The following TIMM23 variants were observed in gnomAD, a reference collection of about 807,000 sequenced individuals.
TIMM23 encodes mitochondrial import inner membrane translocase subunit Tim23.
In TIMM23, 19 loss-of-function variants were observed where a neutral mutation model predicts 30.7. The observed-to-expected ratio is 0.62, with a 90% CI of 0.43 to 0.91. The LOEUF (loss-of-function observed/expected upper bound fraction) is 0.91, where lower values mean the gene tolerates loss of function less well. TIMM23 is among the 40% of genes least tolerant of loss of function. The pLI, the probability that TIMM23 is intolerant of heterozygous loss-of-function variation, is 0.00. For missense variants in TIMM23, 202 were observed against 269.2 expected (o/e 0.75, Z 1.75); for synonymous variants, 78 against 98.5 (o/e 0.79, Z 1.23).
chr10:45,988,778 C>T lies in TIMM23; in HGVS notation c.445C>T (p.Arg149Ter). 1 of 1,613,842 alleles carries T rather than the reference C, an allele frequency of 6.2e-7. No homozygotes were observed. Reference sequence around the variant, plus strand: ...ATTTGGTGTCATCATTGAGAAAACACGAGGTGCAGAAGATGACCTTAACAC... The same window carrying T: ...ATTTGGTGTCATCATTGAGAAAACATGAGGTGCAGAAGATGACCTTAACAC... ...SAFGVIIEKT[R>*]GAEDDLNTVA... is the part of the protein sequence containing the mutation. Residue 149 changes from arginine (R) to a stop codon, truncating the protein, a stop_gained, in exon 6 of 7, where the codon CGA becomes TGA. Transcript: ENST00000580018. LOFTEE classifies it high-confidence loss of function.
At chr10:45,986,311 G>T (rs61849535) in intron 5 of TIMM23, among the ~76,000 whole-genome samples, 6 of 152,102 alleles carry the variant, frequency 3.9e-5, no homozygotes, top group African/African-American at 1.4e-4. Context: ...GAGTCACCCC[G>T]CTCTGTTTCT....
At position 45,977,070 on chromosome 10, in the gene TIMM23, CAT is replaced by C. The variant is rs1335412738; in HGVS notation, c.165+1561_165+1562del. ...AGAAATAAATGGACCAGGTGCAAAACATATTCTGAAAACTATAAAACATTATT... is the reference window on the plus strand; with the variant it reads ...AGAAATAAATGGACCAGGTGCAAAACATTCTGAAAACTATAAAACATTATT... On this transcript the variant is annotated intron_variant, in intron 2 of 6. Coordinates refer to ENST00000580018, the MANE Select transcript of TIMM23 (RefSeq NM_006327.4). 5.0e-4 allele frequency among the ~76,000 whole-genome samples: 75 copies of C among 150,356 alleles called. No homozygotes were observed. The East Asian group carries it at 0.013, about 27-fold the overall frequency.
At chr10:45,990,056 G>A (rs1460425716) in intron 6 of TIMM23, among the ~76,000 whole-genome samples, 1 of 151,200 alleles carries the variant, frequency 6.6e-6, no homozygotes, top group Non-Finnish European at 1.5e-5. Context: ...AGATTTTAGT[G>A]ATGTGCAACA....
intron 5 of TIMM23, among the ~76,000 whole-genome samples, chr10:45,988,130 A>G (rs71184972): frequency 6.6e-6 from 1 of 152,154 alleles, no homozygotes; most frequent in Admixed American, 6.5e-5. Flanking sequence ...CTTGGGCCTC[A>G]TGTGGAAAAT....
chr10:45,985,129 C>CTTA (rs1305320635), intron 4 of TIMM23, among the ~76,000 whole-genome samples: 5 of 151,282 alleles, frequency 3.3e-5, no homozygotes, highest in African/African-American at 9.7e-5. Flanking sequence ...AAGAGTTTTC[C>CTTA]TTATTATTAT....
chr10:45,993,527 C>A (rs1458959685), intron 6 of TIMM23, among the ~76,000 whole-genome samples: 2 of 151,958 alleles, frequency 1.3e-5, no homozygotes, highest in African/African-American at 4.8e-5. Flanking sequence ...GAATTCCAGC[C>A]TGGGCGATAG....
Position 45,972,705 on chromosome 10 carries a change from G to T in TIMM23, c.81G>T (p.Ser27=). 6.2e-7 allele frequency: 1 copy of T among 1,614,010 alleles called. No individual in the cohort carries two copies. The highest frequency in any genetic ancestry group is 2.2e-5 in the East Asian group (1 of 44,886). The change falls in exon 1 of 7, where the codon TCG becomes TCT. Residue 27 remains serine (S), a synonymous_variant. Transcript: ENST00000580018. ...GFFGAGGAGY[S]HADLAGVPLT... ...TCGGAGCCGGCGGAGCAGGTTACTC[G>T]CACGCGGATTTGGCTGGCGTCCCGC...
chr10:46,001,188 A>G (rs1554917638), intron 6 of TIMM23, among the ~76,000 whole-genome samples: 1 of 152,156 alleles, frequency 6.6e-6, no homozygotes, highest in Non-Finnish European at 1.5e-5. Context: ...CTATTTTCCA[A>G]TTAGTACAAT....
chr10:45,979,311 C>T (rs1554913653), intron 2 of TIMM23, among the ~76,000 whole-genome samples: 2 of 152,156 alleles, frequency 1.3e-5, no homozygotes, highest in South Asian at 2.1e-4. Flanking sequence ...TTCTCTCTCT[C>T]TTTTTTTTCT....
At chr10:45,973,854 T>G (rs1837579994) in intron 1 of TIMM23, among the ~76,000 whole-genome samples, 1 of 151,686 alleles carries the variant, frequency 6.6e-6, no homozygotes, top group African/African-American at 2.4e-5. Flanking sequence ...GGTCTCCCTG[T>G]GTTGTCCAAG....
intron 6 of TIMM23, chr10:45,992,368 A>G: frequency 2.2e-6 from 1 of 454,226 alleles, no homozygotes; most frequent in Non-Finnish European, 4.4e-6. Context: ...GGTGGGAGGA[A>G]TTGTCCTAGA....
At chr10:45,973,372 A>T (rs1359237267) in intron 1 of TIMM23, among the ~76,000 whole-genome samples, 2 of 152,216 alleles carry the variant, frequency 1.3e-5, no homozygotes, top group African/African-American at 4.8e-5. Flanking sequence ...AATGTTTTCC[A>T]GAACTTTGGT....
chr10:45,996,756 T>C (rs1838345675), intron 6 of TIMM23, among the ~76,000 whole-genome samples: 1 of 152,144 alleles, frequency 6.6e-6, no homozygotes, highest in African/African-American at 2.4e-5. Context: ...GAAGCCAATG[T>C]GGGCAGATTG....
chr10:45,977,723 G>A (rs2132244977), intron 2 of TIMM23, among the ~76,000 whole-genome samples: 1 of 152,270 alleles, frequency 6.6e-6, no homozygotes, highest in African/African-American at 2.4e-5. Context: ...AAAATTTTGT[G>A]GTTTAGACAA....
intron 6 of TIMM23, among the ~76,000 whole-genome samples, chr10:45,997,310 C>T (rs1554916902): frequency 8.0e-6 from 1 of 125,090 alleles, no homozygotes; most frequent in Non-Finnish European, 1.6e-5. Flanking sequence ...ACTCTGAGTA[C>T]ATTATGCTAA....
At chr10:45,992,026 G>A (rs1252057812) in intron 6 of TIMM23, among the ~76,000 whole-genome samples, 5 of 151,618 alleles carry the variant, frequency 3.3e-5, no homozygotes, top group Non-Finnish European at 1.5e-5. Flanking sequence ...AAGTGCAATG[G>A]TGCCATCATG....
chr10:46,001,267 CAAAG>C (rs1444105091), intron 6 of TIMM23, among the ~76,000 whole-genome samples: 4 of 152,306 alleles, frequency 2.6e-5, no homozygotes, highest in Admixed American at 2.6e-4. Context: ...GGCAAGTTCA[CAAAG>C]AGATGATGTG....
chr10:45,975,477 C>A lies in TIMM23; in HGVS notation c.130C>A (p.Pro44Thr). The change falls in exon 2 of 7, where the codon CCT becomes ACT. Residue 44 changes from proline (P) to threonine (T), a missense_variant. Transcript: ENST00000580018. ...AGTAACTGGTATGAACCCTCTGTCT[C>A]CTTATTTAAATGTGGATCCACGATA... ...VPLTGMNPLS[P>T]YLNVDPRYLV... 1 of 1,613,846 alleles carries A rather than the reference C, an allele frequency of 6.2e-7. No homozygotes were observed. The highest frequency in any genetic ancestry group is 8.5e-7 in the Non-Finnish European group (1 of 1,179,834).
intron 4 of TIMM23, among the ~76,000 whole-genome samples, chr10:45,983,615 T>G (rs1837911872): frequency 6.6e-6 from 1 of 152,296 alleles, no homozygotes; most frequent in East Asian, 1.9e-4. Context: ...GAATCATGAG[T>G]ATGTATTCTT....
Sources: gnomAD v4.1 joint callset for allele counts (sites outside exome capture counted in the v4.1 genomes callset) on GRCh38, gnomAD v4.1.1 for gene constraint, MANE v1.5 for transcripts, NCBI Gene and HGNC (gene_info 2026-07-23, HGNC 2026-07-21) for gene names.